SOX6: variants seen among roughly 807,000 people sequenced by gnomAD.
SOX6 encodes SRY-box transcription factor 6.
SOX6 carries 11 observed loss-of-function variants against 97.8 expected under a neutral mutation model. That is an observed-to-expected ratio of 0.11 (90% CI 0.07 to 0.19). SOX6 has a LOEUF of 0.19. SOX6 is among the 10% of genes least tolerant of loss of function. The pLI is 1.00. For synonymous variants in SOX6, 360 were observed against 371.4 expected (o/e 0.97, Z 0.35); for missense variants, 810 against 1,039.5 (o/e 0.78, Z 3.04).
intron 1 of SOX6, among the ~76,000 whole-genome samples, chr11:16,434,944 T>G (rs919082035): frequency 3.3e-5 from 5 of 152,174 alleles, no homozygotes; most frequent in African/African-American, 1.2e-4. Context: ...AATAACAGTC[T>G]AACTTAAATA....
chr11:16,263,214 C>A (rs868767284), intron 3 of SOX6, among the ~76,000 whole-genome samples: 4 of 151,900 alleles, frequency 2.6e-5, no homozygotes, highest in East Asian at 3.9e-4. Context: ...GACTCCAATG[C>A]GAGTTGAAAT....
chr11:16,390,662 C>T (rs1022923812), intron 1 of SOX6, among the ~76,000 whole-genome samples: 4 of 152,168 alleles, frequency 2.6e-5, no homozygotes, highest in Non-Finnish European at 5.9e-5. Context: ...CTGTCACCTA[C>T]TCCATGAAAA....
At chr11:16,011,917 A>T (rs1419512126) in intron 13 of SOX6, among the ~76,000 whole-genome samples, 1 of 152,032 alleles carries the variant, frequency 6.6e-6, no homozygotes, top group Non-Finnish European at 1.5e-5. Context: ...AGAAGTCCTG[A>T]TCTTCTTAGC....
intron 1 of SOX6, among the ~76,000 whole-genome samples, chr11:16,453,006 G>A (rs1859748124): frequency 1.3e-5 from 2 of 152,124 alleles, no homozygotes. Flanking sequence ...TGTTTCCACT[G>A]AGATAATTAT....
At chr11:16,674,603 C>T (rs764373371) in intron 3 of SOX6, among the ~76,000 whole-genome samples, 2 of 151,964 alleles carry the variant, frequency 1.3e-5, no homozygotes, top group African/African-American at 4.8e-5. Context: ...CATGGTAGCT[C>T]ACACATGTAA....
intron 2 of SOX6, among the ~76,000 whole-genome samples, chr11:16,720,274 CAA>C (rs1378219815): frequency 1.4e-5 from 2 of 145,400 alleles, no homozygotes; most frequent in Non-Finnish European, 3.0e-5. Flanking sequence ...TTCACAATAG[CAA>C]AGACTTGGAA....
intron 2 of SOX6, among the ~76,000 whole-genome samples, chr11:16,727,868 A>G (rs1848319244): frequency 6.6e-6 from 1 of 152,046 alleles, no homozygotes; most frequent in Non-Finnish European, 1.5e-5. Context: ...TTTCTTTTTT[A>G]AAAAGGATTA....
intron 10 of SOX6, 120 bp from the exon 11 acceptor site, chr11:16,050,058 C>T (rs567232031): frequency 2.0e-6 from 2 of 1,025,100 alleles, no homozygotes; most frequent in Non-Finnish European, 3.0e-6. Flanking sequence ...ACAATAATAA[C>T]AAAAGAAGCT....
chr11:16,384,625 C>CAGTTATGTTT, intron 1 of SOX6, among the ~76,000 whole-genome samples: 1 of 151,606 alleles, frequency 6.6e-6, no homozygotes, highest in Non-Finnish European at 1.5e-5. Flanking sequence ...TCTAGGAAAA[C>CAGTTATGTTT]ATAGAAATGA....
Position 16,089,791 on chromosome 11 carries a change from C to T in SOX6, c.1101+6205G>A, listed in dbSNP as rs550909385. 2.2e-4 allele frequency among the ~76,000 whole-genome samples: 33 copies of T among 152,126 alleles called. No individual in the cohort carries two copies. In the South Asian group the frequency reaches 6.4e-3, roughly 30 times the overall value. On this transcript the variant is annotated intron_variant, in intron 9 of 15. Coordinates refer to ENST00000683767, the MANE Select transcript of SOX6 (RefSeq NM_001367873.1). Reference sequence around the variant, plus strand: ...TAAAAAATGTCTTTCTCCTGTTCTGCCTATTCTGTTACCTGGAAGGTCAAA... The same window carrying T: ...TAAAAAATGTCTTTCTCCTGTTCTGTCTATTCTGTTACCTGGAAGGTCAAA...
intron 13 of SOX6, among the ~76,000 whole-genome samples, chr11:16,007,579 C>T (rs1368711349): frequency 6.6e-6 from 1 of 152,062 alleles, no homozygotes; most frequent in Non-Finnish European, 1.5e-5. Flanking sequence ...GTCTCAATTC[C>T]AATCCTGACC....
At chr11:16,252,723 C>T (rs755556573) in intron 3 of SOX6, among the ~76,000 whole-genome samples, 4 of 152,248 alleles carry the variant, frequency 2.6e-5, no homozygotes, top group Non-Finnish European at 4.4e-5. Flanking sequence ...CACAGCATAA[C>T]CTACCTAGGG....
chr11:16,130,386 G>A (rs1318012655), intron 6 of SOX6, among the ~76,000 whole-genome samples: 1 of 151,894 alleles, frequency 6.6e-6, no homozygotes, highest in East Asian at 1.9e-4. Flanking sequence ...GTGATGGGTA[G>A]GTTAATTTGC....
Position 16,132,484 on chromosome 11 carries a change from GAA to G in SOX6, c.778-20563_778-20562del, listed in dbSNP as rs1187663156. Among the ~76,000 whole-genome samples, 17 of 146,650 alleles carry G rather than the reference GAA, an allele frequency of 1.2e-4. 2 individuals carry two copies. Among genetic ancestry groups the G allele is most frequent in the African/African-American group, 4.3e-4 (17 of 39,548 alleles). On this transcript the variant is annotated intron_variant, in intron 6 of 15. Transcript: ENST00000683767. ...AGAAAGAAAGAAAGAAAGAAAGAAA[GAA>G]AGAAAGAAAGAAAGAAAGAAAGCTT...
At chr11:16,426,320 A>G (rs933576434) in intron 1 of SOX6, among the ~76,000 whole-genome samples, 2 of 148,176 alleles carry the variant, frequency 1.3e-5, no homozygotes, top group African/African-American at 5.1e-5. Context: ...ATTCATATGG[A>G]ATAAAAAAAA....
intron 3 of SOX6, among the ~76,000 whole-genome samples, chr11:16,656,317 C>A (rs1248798912): frequency 6.6e-6 from 1 of 152,098 alleles, no homozygotes; most frequent in Non-Finnish European, 1.5e-5. Flanking sequence ...ACCTCATGAT[C>A]CGCCCACCTC....
intron 9 of SOX6, among the ~76,000 whole-genome samples, chr11:16,062,065 T>A (rs1847970512): frequency 6.6e-6 from 1 of 151,712 alleles, no homozygotes; most frequent in South Asian, 2.1e-4. Flanking sequence ...CTAAAAAGCT[T>A]CTGCACAGCA....
chr11:16,279,077 A>T (rs1241604380), intron 3 of SOX6, among the ~76,000 whole-genome samples: 1 of 152,070 alleles, frequency 6.6e-6, no homozygotes, highest in East Asian at 1.9e-4. Context: ...AGGACTCTTG[A>T]TACTTTCACA....
At chr11:16,490,687 G>T (rs940182547) in intron 4 of SOX6, among the ~76,000 whole-genome samples, 1 of 152,020 alleles carries the variant, frequency 6.6e-6, no homozygotes, top group East Asian at 1.9e-4. Flanking sequence ...TAAACTTAAT[G>T]CCATATTCTC....
Sources: gnomAD v4.1 joint callset for allele counts (sites outside exome capture counted in the v4.1 genomes callset) on GRCh38, gnomAD v4.1.1 for gene constraint, MANE v1.5 for transcripts, NCBI Gene and HGNC (gene_info 2026-07-23, HGNC 2026-07-21) for gene names.